The following TMEM114 variants were observed in gnomAD, a reference collection of about 807,000 sequenced individuals.
TMEM114 encodes the protein transmembrane protein 114, also known as claudin-26.
A neutral mutation model predicts 6.2 loss-of-function variants in TMEM114; 6 were observed. That is an observed-to-expected ratio of 0.97 (90% CI 0.53 to 1.91). The LOEUF (loss-of-function observed/expected upper bound fraction) is 1.91. Among genes scored for constraint, TMEM114 ranks in the 40% most tolerant of loss-of-function variants. The pLI is 0.01. For synonymous variants in TMEM114, 104 were observed against 73.0 expected (o/e 1.42, Z -2.16); for missense variants, 218 against 158.3 (o/e 1.38, Z -2.02).
intron 2 of TMEM114, among the ~76,000 whole-genome samples, chr16:8,548,911 A>T (rs1184671649): frequency 1.3e-5 from 2 of 152,030 alleles, no homozygotes; most frequent in Non-Finnish European, 2.9e-5. Flanking sequence ...CGCCAGGCGC[A>T]GTGGCTCATG....
intron 2 of TMEM114, among the ~76,000 whole-genome samples, chr16:8,560,511 G>A (rs1901164918): frequency 6.6e-6 from 1 of 152,200 alleles, no homozygotes; most frequent in Non-Finnish European, 1.5e-5. Context: ...GGGCACAGAG[G>A]ACGCACTTCC....
intron 2 of TMEM114, among the ~76,000 whole-genome samples, chr16:8,542,004 A>G (rs1000887204): frequency 1.3e-5 from 2 of 152,200 alleles, no homozygotes; most frequent in Non-Finnish European, 2.9e-5. Flanking sequence ...CCTGCGAGGC[A>G]GCTTTCACCA....
At chr16:8,532,201 G>C in the TMEM114 span, among the ~76,000 whole-genome samples, 1 of 152,124 alleles carries the variant, frequency 6.6e-6, no homozygotes, top group Non-Finnish European at 1.5e-5. Context: ...CAATGCGTAG[G>C]CTGCTCAGAA....
At chr16:8,563,267 C>G (rs1473075304) in intron 2 of TMEM114, among the ~76,000 whole-genome samples, 12 of 116,968 alleles carry the variant, frequency 1.0e-4, no homozygotes, top group South Asian at 2.7e-4. Flanking sequence ...ATGAATGAGT[C>G]AGTGAATGAG....
At chr16:8,558,593 A>T (rs767210762) in intron 2 of TMEM114, among the ~76,000 whole-genome samples, 36 of 152,156 alleles carry the variant, frequency 2.4e-4, no homozygotes, top group Non-Finnish European at 4.9e-4. Flanking sequence ...TTACAATTTC[A>T]ACATGATCTT....
the TMEM114 span, chr16:8,532,121 G>A: frequency 1.3e-5 from 2 of 152,192 alleles, no homozygotes; most frequent in Admixed American, 1.3e-4. Context: ...GTAGGGTTCA[G>A]CTCCAACACA....
downstream of TMEM114, among the ~76,000 whole-genome samples, chr16:8,567,863 T>C (rs1362057298): frequency 1.3e-5 from 2 of 152,190 alleles, no homozygotes; most frequent in African/African-American, 2.4e-5. Flanking sequence ...TGCCCTCACT[T>C]TGCAAAAACT....
In TMEM114 at chr16:8,579,410, T is replaced by TATGC. The variant is rs556098302; in HGVS notation, c.302-7190_302-7187dup. On this transcript the variant is annotated intron_variant, in intron 2 of 3. Coordinates refer to ENST00000620492, the MANE Select transcript of TMEM114 (RefSeq NM_001146336.2). ...TGAGACTTCTGGAAGAGCTCAGAGC[T>TATGC]ATGCAGCCCTGTTATGCCTGGTAAG... Among the ~76,000 whole-genome samples the TATGC allele has an allele frequency of 1.9e-3, 294 of 152,348 alleles. 1 individual carries two copies. The highest frequency in any genetic ancestry group is 6.8e-3 in the African/African-American group (283 of 41,582).
At chr16:8,564,116 A>T (rs940785166) in intron 2 of TMEM114, among the ~76,000 whole-genome samples, 5 of 151,516 alleles carry the variant, frequency 3.3e-5, no homozygotes, top group South Asian at 2.1e-4. Context: ...GAAATAAGTA[A>T]GTGAATGAGT....
At chr16:8,574,936 T>C (rs1349827239) in intron 2 of TMEM114, among the ~76,000 whole-genome samples, 3 of 152,200 alleles carry the variant, frequency 2.0e-5, no homozygotes, top group East Asian at 1.9e-4. Context: ...TACATTTTTT[T>C]CCCAGGATTG....
downstream of TMEM114, among the ~76,000 whole-genome samples, chr16:8,564,977 AAGAG>A (rs1272823612): frequency 1.3e-5 from 2 of 148,868 alleles, no homozygotes; most frequent in Non-Finnish European, 3.0e-5. Flanking sequence ...GAGGGAGTGA[AAGAG>A]TGAGTGAGTG....
intron 2 of TMEM114, among the ~76,000 whole-genome samples, chr16:8,539,939 T>A (rs1423762454): frequency 6.6e-6 from 1 of 152,128 alleles, no homozygotes; most frequent in Non-Finnish European, 1.5e-5. Flanking sequence ...TGCCTCAGCC[T>A]CTGGAATAGC....
chr16:8,562,774 G>T (rs1901305767), intron 2 of TMEM114, among the ~76,000 whole-genome samples: 1 of 151,496 alleles, frequency 6.6e-6, no homozygotes, highest in Admixed American at 6.6e-5. Context: ...GGGAGGGAAT[G>T]AGTGAGTGAA....
intron 2 of TMEM114, among the ~76,000 whole-genome samples, chr16:8,562,279 AGT>A (rs1901263336): frequency 4.7e-5 from 1 of 21,118 alleles, no homozygotes; most frequent in Non-Finnish European, 1.0e-4. Context: ...GGAGGGAATG[AGT>A]GAGTGAGTGA....
At chr16:8,570,060 C>CCCT (rs1567206423) in intron 3 of TMEM114, 55 bp from the exon 4 acceptor site, 20 of 1,454,546 alleles carry the variant, frequency 1.4e-5, no homozygotes, top group Admixed American at 4.2e-5. Flanking sequence ...CCCAGCACTC[C>CCCT]CCTCCTCCTC....
At chr16:8,527,452 C>G in the TMEM114 span, among the ~76,000 whole-genome samples, 10 of 152,260 alleles carry the variant, frequency 6.6e-5, 1 homozygote, top group South Asian at 2.1e-3. Context: ...GTGAGATGAG[C>G]ATAAAATGGA....
intron 2 of TMEM114, among the ~76,000 whole-genome samples, chr16:8,542,855 A>T (rs1406125067): frequency 2.6e-5 from 4 of 152,148 alleles, no homozygotes; most frequent in African/African-American, 9.7e-5. Flanking sequence ...GAGTTTAGCA[A>T]ACGTAGTCTT....
intron 2 of TMEM114, among the ~76,000 whole-genome samples, chr16:8,561,882 G>GAGTA (rs1339855081): frequency 7.0e-6 from 1 of 142,642 alleles, no homozygotes; most frequent in Non-Finnish European, 1.6e-5. Flanking sequence ...GTGAGTGAAT[G>GAGTA]AGTGAGTGAA....
chr16:8,581,479 G>A (rs1005818069), intron 2 of TMEM114, among the ~76,000 whole-genome samples: 1 of 152,140 alleles, frequency 6.6e-6, no homozygotes, highest in Non-Finnish European at 1.5e-5. Flanking sequence ...TGAGAGACAG[G>A]GTCCCACTCT....
Sources: allele counts gnomAD v4.1 joint callset (sites outside exome capture counted in the v4.1 genomes callset), GRCh38; gene constraint gnomAD v4.1.1; transcripts MANE v1.5; gene names NCBI Gene and HGNC (gene_info 2026-07-23, HGNC 2026-07-21).